SEL1L2: variants seen among roughly 807,000 people sequenced by gnomAD.
SEL1L2 encodes SEL1L2 adaptor subunit of SYVN1 ubiquitin ligase, also known as protein sel-1 homolog 2.
A neutral mutation model predicts 98.8 loss-of-function variants in SEL1L2; 89 were observed. That is an observed-to-expected ratio of 0.90 (90% CI 0.76 to 1.07). The LOEUF (loss-of-function observed/expected upper bound fraction) is 1.07. Among genes scored for constraint, SEL1L2 ranks in the 50% least tolerant of loss-of-function variants. The pLI, the probability that SEL1L2 is intolerant of heterozygous loss-of-function variation, is 0.00. For synonymous variants in SEL1L2, 262 were observed against 278.5 expected, an observed-to-expected ratio of 0.94 and a Z score of 0.59; for missense variants, 788 against 812.0, an observed-to-expected ratio of 0.97 and a Z score of 0.36.
At chr20:13,908,109 T>C (rs1210060598) in intron 5 of SEL1L2, among the ~76,000 whole-genome samples, 1 of 95,690 alleles carries the variant, frequency 1.0e-5, no homozygotes. Flanking sequence ...GGTTCTTTTT[T>C]TTTTTTTTTT....
chr20:13,974,396 G>A lies in SEL1L2; in HGVS notation c.58+16081C>T, dbSNP rs181746606. Among the ~76,000 whole-genome samples, 22 of 151,698 alleles carry A rather than the reference G, an allele frequency of 1.5e-4. No individual in the cohort carries two copies. The East Asian group carries it at 2.9e-3, about 20-fold the overall frequency. ...TTCCTCTGTATATGGTGGTAGTGGC[G>A]GTTGAGAGGGGAGTAGGGGTCAGAA... On this transcript the variant is annotated intron_variant, in intron 1 of 19. Coordinates refer to ENST00000284951, the MANE Select transcript of SEL1L2 (RefSeq NM_025229.2).
chr20:13,863,549 G>T (rs549792314), intron 17 of SEL1L2, among the ~76,000 whole-genome samples: 1 of 152,126 alleles, frequency 6.6e-6, no homozygotes, highest in Admixed American at 6.5e-5. Flanking sequence ...TTCATTATTA[G>T]ATTCCCTAGT....
chr20:13,883,851 C>T (rs777190232), intron 10 of SEL1L2, among the ~76,000 whole-genome samples: 23 of 152,172 alleles, frequency 1.5e-4, no homozygotes, highest in Non-Finnish European at 2.8e-4. Flanking sequence ...AAAATGAGGA[C>T]GTCTTCCTAG....
At chr20:13,864,067 ACAC>A (rs1194313142) in intron 17 of SEL1L2, among the ~76,000 whole-genome samples, 3 of 152,030 alleles carry the variant, frequency 2.0e-5, no homozygotes, top group African/African-American at 7.2e-5. Context: ...TGCAATTTCC[ACAC>A]CATTTCCTGG....
chr20:13,866,647 C>A, intron 15 of SEL1L2, 55 bp downstream of exon 15: 1 of 1,354,764 alleles, frequency 7.4e-7, no homozygotes, highest in Non-Finnish European at 9.7e-7. Flanking sequence ...ACAGTATCAC[C>A]TCCTCTGTGT....
At chr20:13,851,771 T>C (rs1369497343) in intron 18 of SEL1L2, among the ~76,000 whole-genome samples, 1 of 152,160 alleles carries the variant, frequency 6.6e-6, no homozygotes, top group African/African-American at 2.4e-5. Context: ...CAAACTGTGG[T>C]CATCCTAATA....
chr20:13,856,341 G>A (rs1028590805), intron 18 of SEL1L2, among the ~76,000 whole-genome samples: 1 of 152,060 alleles, frequency 6.6e-6, no homozygotes, highest in Non-Finnish European at 1.5e-5. Context: ...TGTTAGCCTG[G>A]CTGGTCTCAA....
upstream of SEL1L2, among the ~76,000 whole-genome samples, chr20:13,992,090 G>A (rs1195249356): frequency 6.6e-6 from 1 of 152,206 alleles, no homozygotes; most frequent in Non-Finnish European, 1.5e-5. Flanking sequence ...GCAAACAAAG[G>A]TCAGGTAGGG....
chr20:13,887,079 T>C (rs746645062), intron 8 of SEL1L2, among the ~76,000 whole-genome samples: 1 of 152,166 alleles, frequency 6.6e-6, no homozygotes. Context: ...GACTATAATA[T>C]AGGAATAATC....
chr20:13,869,228 G>A (rs2046070159), intron 14 of SEL1L2, among the ~76,000 whole-genome samples: 1 of 151,906 alleles, frequency 6.6e-6, no homozygotes, highest in Non-Finnish European at 1.5e-5. Flanking sequence ...GACCTTTCTC[G>A]TGAGTGTCGT....
intron 5 of SEL1L2, among the ~76,000 whole-genome samples, chr20:13,904,163 T>C (rs1469924645): frequency 6.6e-6 from 1 of 152,228 alleles, no homozygotes; most frequent in Non-Finnish European, 1.5e-5. Context: ...CTAAAAACAT[T>C]ATAGCTCTAA....
chr20:13,972,811 T>C (rs1265726667), intron 1 of SEL1L2, among the ~76,000 whole-genome samples: 1 of 152,196 alleles, frequency 6.6e-6, no homozygotes, highest in Non-Finnish European at 1.5e-5. Flanking sequence ...TTTAGAAGCT[T>C]TTAGGATTTT....
chr20:13,947,664 T>A (rs1036263169), intron 2 of SEL1L2, among the ~76,000 whole-genome samples: 2 of 152,198 alleles, frequency 1.3e-5, no homozygotes, highest in African/African-American at 4.8e-5. Flanking sequence ...GTAGCCCTTT[T>A]AGGAGCCCAG....
chr20:13,886,398 C>T lies in SEL1L2; in HGVS notation c.790G>A (p.Val264Met), dbSNP rs561307104. The T allele has an allele frequency of 6.2e-7, 1 of 1,613,990 alleles. No homozygotes were observed. The highest frequency in any genetic ancestry group is 2.2e-5 in the East Asian group (1 of 44,870). The stretch of plus-strand genomic sequence containing the variant: ...TTTTCAGGTCTTTCCGTTAGTCTCA[C>T]TTTTTCCACTGGAACACCTTCACTT... ...EKSEGVPVEK[V>M]RLTERPENLS... Residue 264 changes from valine (V) to methionine (M), a missense_variant, in exon 9 of 20, where the codon GTG (valine) becomes ATG (methionine). Transcript: ENST00000284951.
chr20:13,876,972 C>T (rs893803684), intron 11 of SEL1L2, among the ~76,000 whole-genome samples: 1 of 152,054 alleles, frequency 6.6e-6, no homozygotes, highest in Non-Finnish European at 1.5e-5. Flanking sequence ...TACAGGCACC[C>T]GCCACCACAC....
At position 13,939,040 on chromosome 20, in the gene SEL1L2, G is replaced by GTTTTTT. The variant is rs386365633; in HGVS notation, c.115-7275_115-7270dup. Among the ~76,000 whole-genome samples, 19 of 114,082 alleles carry GTTTTTT rather than the reference G, an allele frequency of 1.7e-4. 1 individual carries two copies. The highest frequency in any genetic ancestry group is 6.2e-4 in the African/African-American group (18 of 28,890). 74.8% of individuals were successfully genotyped at this position (114,082 alleles called of 152,430 possible). On this transcript the variant is annotated intron_variant, in intron 2 of 19. Coordinates refer to ENST00000284951, the MANE Select transcript of SEL1L2 (RefSeq NM_025229.2). ...TCTTTTTGGTTTGTTTGCTTGTTTT[G>GTTTTTT]TTTTTTTTTTTTTTTTTTTCTGAGA...
chr20:13,948,867 C>T (rs548206732), intron 2 of SEL1L2, among the ~76,000 whole-genome samples: 4 of 152,206 alleles, frequency 2.6e-5, no homozygotes, highest in Admixed American at 6.5e-5. Flanking sequence ...CAACTGAAAC[C>T]GAGGGTTTAT....
chr20:13,920,364 C>A (rs2048603604), intron 3 of SEL1L2, among the ~76,000 whole-genome samples: 1 of 151,780 alleles, frequency 6.6e-6, no homozygotes, highest in South Asian at 2.1e-4. Flanking sequence ...ATCAGTTTTG[C>A]AGAATTCAAG....
At chr20:13,863,376 G>C (rs1200059930) in intron 17 of SEL1L2, among the ~76,000 whole-genome samples, 1 of 152,182 alleles carries the variant, frequency 6.6e-6, no homozygotes, top group African/African-American at 2.4e-5. Context: ...CTGACTGGCA[G>C]CATGTGGTGA....
Sources: gnomAD v4.1 joint callset for allele counts (sites outside exome capture counted in the v4.1 genomes callset) on GRCh38, gnomAD v4.1.1 for gene constraint, MANE v1.5 for transcripts, NCBI Gene and HGNC (gene_info 2026-07-23, HGNC 2026-07-21) for gene names.